NBAS: variants seen among roughly 807,000 people sequenced by gnomAD.
NBAS encodes the protein NAG/BC035112 fusion.
NBAS carries 219 observed loss-of-function variants against 302.5 expected under a neutral mutation model. That is an observed-to-expected ratio of 0.72 (90% CI 0.65 to 0.81). NBAS has a LOEUF of 0.81. Among genes scored for constraint, NBAS ranks in the 30% least tolerant of loss-of-function variants. NBAS has a pLI of 0.00. For missense variants in NBAS, 2,932 were observed against 2,841.6 expected (o/e 1.03, Z -0.72); for synonymous variants, 1,118 against 1,021.6 (o/e 1.09, Z -1.80).
At chr2:15,394,547 T>C (rs543507990) in intron 27 of NBAS, among the ~76,000 whole-genome samples, 198 bp from the exon 28 acceptor site, 69 of 152,256 alleles carry the variant, frequency 4.5e-4, no homozygotes, top group African/African-American at 1.6e-3. Flanking sequence ...ACCTTTCTCA[T>C]TGACTTTTAT....
At chr2:15,200,934 T>C (rs912925872) in intron 48 of NBAS, among the ~76,000 whole-genome samples, 1 of 152,224 alleles carries the variant, frequency 6.6e-6, no homozygotes, top group Non-Finnish European at 1.5e-5. Context: ...GCTTATTTTA[T>C]CTTTAGAAAT....
chr2:15,360,649 C>CTTTTTT (rs369254532), intron 32 of NBAS, among the ~76,000 whole-genome samples: 4 of 123,256 alleles, frequency 3.2e-5, no homozygotes, highest in East Asian at 4.7e-4. Flanking sequence ...CATGACCAGC[C>CTTTTTT]TTTTTTTTTT....
the NBAS span, among the ~76,000 whole-genome samples, chr2:15,076,622 T>C: frequency 6.6e-6 from 1 of 152,210 alleles, no homozygotes; most frequent in African/African-American, 2.4e-5. Flanking sequence ...GGCATTGAGC[T>C]ATCAGCTACC....
chr2:15,203,775 C>T (rs1342949742), intron 48 of NBAS, among the ~76,000 whole-genome samples: 2 of 151,462 alleles, frequency 1.3e-5, no homozygotes, highest in Admixed American at 1.3e-4. Context: ...AGTAATAGGG[C>T]AAAACATATA....
intron 40 of NBAS, among the ~76,000 whole-genome samples, chr2:15,295,349 G>A (rs1018858763): frequency 6.6e-6 from 1 of 152,172 alleles, no homozygotes; most frequent in East Asian, 1.9e-4. Flanking sequence ...GTGACAAAAA[G>A]ACAGTAGTGT....
the NBAS span, among the ~76,000 whole-genome samples, chr2:14,904,778 G>C: frequency 6.6e-6 from 1 of 152,134 alleles, no homozygotes; most frequent in Non-Finnish European, 1.5e-5. Context: ...GGCCGGGCGC[G>C]GTGGCTCAAG....
chr2:15,523,438 G>A (rs1662773280), intron 9 of NBAS, among the ~76,000 whole-genome samples: 1 of 142,466 alleles, frequency 7.0e-6, no homozygotes, highest in African/African-American at 2.6e-5. Flanking sequence ...CATTTACATT[G>A]GATGAGGTAT....
chr2:14,930,035 T>C, the NBAS span, among the ~76,000 whole-genome samples: 1 of 152,246 alleles, frequency 6.6e-6, no homozygotes, highest in Non-Finnish European at 1.5e-5. Flanking sequence ...TCCCTTTATG[T>C]TCTGCCACGA....
chr2:15,044,798 T>C, the NBAS span, among the ~76,000 whole-genome samples: 1 of 152,250 alleles, frequency 6.6e-6, no homozygotes, highest in Non-Finnish European at 1.5e-5. Flanking sequence ...CTAGCTTTCA[T>C]GCCTCTGATC....
chr2:15,527,099 G>GAAAAA (rs55822372), intron 9 of NBAS, among the ~76,000 whole-genome samples: 1 of 137,470 alleles, frequency 7.3e-6, no homozygotes. Context: ...AGGGACAAGA[G>GAAAAA]AAAAAAAAAA....
chr2:14,970,269 G>A, the NBAS span, among the ~76,000 whole-genome samples: 12 of 152,094 alleles, frequency 7.9e-5, no homozygotes, highest in Admixed American at 3.9e-4. Flanking sequence ...AAAACAACTA[G>A]AACTTCTAAT....
chr2:15,148,237 T>C, the NBAS span, among the ~76,000 whole-genome samples: 22 of 152,198 alleles, frequency 1.4e-4, no homozygotes, highest in Non-Finnish European at 1.0e-4. Flanking sequence ...CACAGTGTCA[T>C]TCCCTGCACA....
chr2:15,278,921 G>T (rs1029453339), intron 42 of NBAS, among the ~76,000 whole-genome samples: 1 of 152,232 alleles, frequency 6.6e-6, no homozygotes, highest in East Asian at 1.9e-4. Context: ...AAAGCAAAAC[G>T]CCTGTACAAG....
chr2:14,983,312 C>T, the NBAS span, among the ~76,000 whole-genome samples: 12 of 152,196 alleles, frequency 7.9e-5, no homozygotes, highest in East Asian at 5.8e-4. Context: ...TTGAGAAAAA[C>T]GAAAGTTAAC....
chr2:15,236,109 A>G (rs577491734), intron 45 of NBAS, among the ~76,000 whole-genome samples: 2 of 152,322 alleles, frequency 1.3e-5, no homozygotes, highest in East Asian at 3.9e-4. Context: ...TGTCTAATTT[A>G]GGAACCTCAA....
intron 47 of NBAS, among the ~76,000 whole-genome samples, chr2:15,223,633 A>G (rs1667042332): frequency 2.0e-5 from 3 of 152,056 alleles, no homozygotes; most frequent in African/African-American, 4.8e-5. Context: ...GATCGAGACC[A>G]TCCTGGCCAA....
chr2:15,310,141 A>T (rs1010728769), intron 38 of NBAS, among the ~76,000 whole-genome samples: 1 of 152,210 alleles, frequency 6.6e-6, no homozygotes, highest in African/African-American at 2.4e-5. Flanking sequence ...ACTTAGACTG[A>T]CATTTAAGTT....
chr2:14,945,685 C>CA, the NBAS span, among the ~76,000 whole-genome samples: 9 of 146,586 alleles, frequency 6.1e-5, no homozygotes, highest in South Asian at 2.2e-4. Flanking sequence ...ATGGATCAAG[C>CA]AAAAAAAAAG....
At chr2:15,298,535 G>GT (rs1476871142) in intron 40 of NBAS, among the ~76,000 whole-genome samples, 1 of 152,174 alleles carries the variant, frequency 6.6e-6, no homozygotes, top group Non-Finnish European at 1.5e-5. Flanking sequence ...ATGAGCATTT[G>GT]TAAGTTCTAG....
Sources: allele counts gnomAD v4.1 joint callset (sites outside exome capture counted in the v4.1 genomes callset), GRCh38; gene constraint gnomAD v4.1.1; transcripts MANE v1.5; gene names NCBI Gene and HGNC (gene_info 2026-07-23, HGNC 2026-07-21).